The following RIMS2 variants were observed in gnomAD, a reference collection of about 807,000 sequenced individuals.
RIMS2 encodes regulating synaptic membrane exocytosis protein 2.
A neutral mutation model predicts 174.4 loss-of-function variants in RIMS2; 59 were observed. That is an observed-to-expected ratio of 0.34 (90% CI 0.27 to 0.42). The LOEUF (loss-of-function observed/expected upper bound fraction) is 0.42. Among genes scored for constraint, RIMS2 ranks in the 10% least tolerant of loss-of-function variants. The pLI is 1.00. For synonymous variants in RIMS2, 606 were observed against 572.5 expected, an observed-to-expected ratio of 1.06 and a Z score of -0.84; for missense variants, 1,620 against 1,666.3, an observed-to-expected ratio of 0.97 and a Z score of 0.48.
At chr8:103,595,925 T>C (rs1314661374) in intron 1 of RIMS2, among the ~76,000 whole-genome samples, 1 of 152,006 alleles carries the variant, frequency 6.6e-6, no homozygotes, top group Non-Finnish European at 1.5e-5. Flanking sequence ...TGGTAACTAA[T>C]TAACATACCA....
intron 19 of RIMS2, among the ~76,000 whole-genome samples, chr8:104,236,628 T>C (rs374955116): frequency 6.6e-6 from 1 of 152,098 alleles, no homozygotes; most frequent in Non-Finnish European, 1.5e-5. Flanking sequence ...TAGTTTTTAC[T>C]GAAAATAAGT....
At chr8:104,121,833 A>T (rs1019680291) in intron 19 of RIMS2, among the ~76,000 whole-genome samples, 5 of 151,972 alleles carry the variant, frequency 3.3e-5, no homozygotes, top group Non-Finnish European at 7.4e-5. Flanking sequence ...GTGGTGACAC[A>T]CGCCTGTAAT....
chr8:103,697,198 A>G, exon 2 of RIMS2: 1 of 1,613,868 alleles, frequency 6.2e-7, no homozygotes, highest in Non-Finnish European at 8.5e-7. Context: ...TATCTGCCAC[A>G]AAACAAAGTT....
intron 14 of RIMS2, among the ~76,000 whole-genome samples, chr8:103,959,211 G>T (rs549843914): frequency 7.3e-4 from 59 of 80,312 alleles, no homozygotes; most frequent in Non-Finnish European, 1.3e-3. Flanking sequence ...TTAAAAACCA[G>T]AAGGAAGTGA....
At chr8:103,795,333 A>T (rs2098541175) in intron 3 of RIMS2, among the ~76,000 whole-genome samples, 2 of 152,128 alleles carry the variant, frequency 1.3e-5, no homozygotes, top group African/African-American at 2.4e-5. Flanking sequence ...TGTCGCAAGG[A>T]CAGAAAACCA....
chr8:104,082,153 A>G (rs1023083394), intron 19 of RIMS2, among the ~76,000 whole-genome samples: 4 of 152,022 alleles, frequency 2.6e-5, no homozygotes, highest in African/African-American at 9.7e-5. Context: ...AATAAAATGA[A>G]GGAAATAGTG....
chr8:103,882,977 T>C (rs998684783), intron 3 of RIMS2, among the ~76,000 whole-genome samples: 3 of 151,656 alleles, frequency 2.0e-5, no homozygotes, highest in Admixed American at 6.6e-5. Flanking sequence ...AAATGTATTA[T>C]GGGAAATCTT....
At chr8:103,793,158 A>T (rs1401640039) in intron 3 of RIMS2, among the ~76,000 whole-genome samples, 1 of 152,246 alleles carries the variant, frequency 6.6e-6, no homozygotes, top group Non-Finnish European at 1.5e-5. Context: ...AATATCCCTG[A>T]TGAACATCGA....
intron 16 of RIMS2, among the ~76,000 whole-genome samples, chr8:103,988,695 C>T (rs1444645328): frequency 2.0e-5 from 3 of 152,012 alleles, no homozygotes; most frequent in Non-Finnish European, 4.4e-5. Context: ...CCCGACCTCA[C>T]GTGATCTGCC....
chr8:103,918,868 C>T (rs1309682555), intron 9 of RIMS2, among the ~76,000 whole-genome samples: 4 of 152,020 alleles, frequency 2.6e-5, no homozygotes, highest in Non-Finnish European at 2.9e-5. Flanking sequence ...CAAAACTTCC[C>T]CTAGTTTTAA....
At chr8:103,768,396 A>G in intron 3 of RIMS2, 1 of 746,088 alleles carries the variant, frequency 1.3e-6, no homozygotes, top group Non-Finnish European at 2.5e-6. Flanking sequence ...GTTGCTGCTG[A>G]TGCTCTGGTT....
chr8:103,567,173 T>C (rs573645795), intron 1 of RIMS2, among the ~76,000 whole-genome samples: 29 of 152,344 alleles, frequency 1.9e-4, no homozygotes, highest in African/African-American at 6.5e-4. Context: ...CTTCTTTTTT[T>C]ATTGTGGTAA....
chr8:103,849,010 G>T (rs1366956876), intron 3 of RIMS2, among the ~76,000 whole-genome samples: 1 of 151,954 alleles, frequency 6.6e-6, no homozygotes, highest in African/African-American at 2.4e-5. Flanking sequence ...CATCCATTTG[G>T]CATTCAGCAA....
At chr8:103,850,171 A>G (rs751714117) in intron 3 of RIMS2, among the ~76,000 whole-genome samples, 1 of 152,006 alleles carries the variant, frequency 6.6e-6, no homozygotes, top group African/African-American at 2.4e-5. Flanking sequence ...ATTTAAGGTA[A>G]TATTCCTAAT....
At chr8:104,131,004 G>A (rs2098469571) in intron 19 of RIMS2, among the ~76,000 whole-genome samples, 1 of 152,186 alleles carries the variant, frequency 6.6e-6, no homozygotes, top group Non-Finnish European at 1.5e-5. Flanking sequence ...TACTCATTTT[G>A]TAGGCCATGC....
intron 1 of RIMS2, among the ~76,000 whole-genome samples, chr8:103,599,715 G>T (rs185039832): frequency 1.6e-4 from 24 of 152,074 alleles, no homozygotes; most frequent in Admixed American, 1.2e-3. Flanking sequence ...CCTCTGAAGT[G>T]CTGGGATTAC....
intron 3 of RIMS2, among the ~76,000 whole-genome samples, chr8:103,878,375 T>A (rs2099151573): frequency 6.6e-6 from 1 of 151,916 alleles, no homozygotes; most frequent in African/African-American, 2.4e-5. Context: ...ATCACATGTA[T>A]TGACTTGTGT....
At chr8:103,939,471 CA>C (rs2082047888) in intron 13 of RIMS2, among the ~76,000 whole-genome samples, 1 of 152,190 alleles carries the variant, frequency 6.6e-6, no homozygotes, top group Admixed American at 6.5e-5. Context: ...GGCCAGCCCA[CA>C]AAACCATTTC....
intron 21 of RIMS2, 117 bp downstream of exon 27, chr8:104,248,930 TCTA>T (rs1189244012): frequency 3.9e-6 from 2 of 517,500 alleles, no homozygotes; most frequent in Admixed American, 4.1e-5. Flanking sequence ...TCTCTCTCCC[TCTA>T]TTTTTTTTTT....
Sources: gnomAD v4.1 joint callset for allele counts (sites outside exome capture counted in the v4.1 genomes callset) on GRCh38, gnomAD v4.1.1 for gene constraint, MANE v1.5 for transcripts, NCBI Gene and HGNC (gene_info 2026-07-23, HGNC 2026-07-21) for gene names.